GRID2: variants seen among roughly 807,000 people sequenced by gnomAD.
GRID2 encodes the protein glutamate receptor ionotropic, delta-2.
GRID2 carries 33 observed loss-of-function variants against 114.8 expected under a neutral mutation model. The ratio of observed to expected loss-of-function variants is 0.29; its 90% confidence interval spans 0.22 to 0.38. The LOEUF is 0.38. GRID2 is among the 10% of genes least tolerant of loss of function. GRID2 has a pLI of 1.00. For synonymous variants in GRID2, 505 were observed against 449.9 expected (o/e 1.12, Z -1.55); for missense variants, 1,184 against 1,257.7 (o/e 0.94, Z 0.89).
At chr4:93,213,720 G>A (rs146044215) in intron 5 of GRID2, among the ~76,000 whole-genome samples, 1 of 152,134 alleles carries the variant, frequency 6.6e-6, no homozygotes, top group African/African-American at 2.4e-5. Context: ...ATTCAGAAAT[G>A]ATTCAATTCT....
intron 8 of GRID2, among the ~76,000 whole-genome samples, chr4:93,393,918 C>G (rs1765089076): frequency 6.6e-6 from 1 of 151,922 alleles, no homozygotes; most frequent in African/African-American, 2.4e-5. Flanking sequence ...TTACCACGAA[C>G]AAGATTATAT....
Position 93,147,847 on chromosome 4 carries a change from A to T in GRID2, c.735+36894A>T, listed in dbSNP as rs1324424968. On this transcript the variant is annotated intron_variant, in intron 4 of 15. Transcript: ENST00000282020. ...AGGTATTTATATTTTGCCTTGAAAC[A>T]TCATTTTAAAATGTTTTACTTTTAA... Among the ~76,000 whole-genome samples, 5 of 152,340 alleles carry T rather than the reference A, an allele frequency of 3.3e-5. No homozygotes were observed. The East Asian group carries it at 9.6e-4, about 29-fold the overall frequency.
At chr4:92,564,292 G>C (rs1336569234) in intron 1 of GRID2, among the ~76,000 whole-genome samples, 1 of 151,914 alleles carries the variant, frequency 6.6e-6, no homozygotes, top group Non-Finnish European at 1.5e-5. Flanking sequence ...AAATTAATGT[G>C]ATTTAATTAA....
At chr4:92,785,804 A>C (rs1739294372) in intron 2 of GRID2, among the ~76,000 whole-genome samples, 1 of 151,866 alleles carries the variant, frequency 6.6e-6, no homozygotes, top group African/African-American at 2.4e-5. Context: ...TAGTTAACAA[A>C]GATTTTTGAA....
At chr4:93,277,047 G>A (rs1752129179) in intron 8 of GRID2, among the ~76,000 whole-genome samples, 1 of 151,664 alleles carries the variant, frequency 6.6e-6, no homozygotes, top group South Asian at 2.1e-4. Flanking sequence ...GTGGAAAAGG[G>A]GATACAGATG....
chr4:93,803,640 T>G (rs1005029563), intron 1 of GRID2, among the ~76,000 whole-genome samples: 3 of 152,006 alleles, frequency 2.0e-5, no homozygotes, highest in Admixed American at 2.0e-4. Flanking sequence ...AAGAATCGCT[T>G]GAACCCAGGA....
At chr4:92,902,040 C>G (rs1047431909) in intron 2 of GRID2, among the ~76,000 whole-genome samples, 1 of 152,010 alleles carries the variant, frequency 6.6e-6, no homozygotes, top group Non-Finnish European at 1.5e-5. Context: ...CAGATTTAAC[C>G]TCACTACTTA....
intron 2 of GRID2, among the ~76,000 whole-genome samples, chr4:92,861,670 C>T (rs1192283023): frequency 1.3e-5 from 2 of 151,906 alleles, no homozygotes; most frequent in African/African-American, 4.8e-5. Flanking sequence ...GACACCTAAC[C>T]CTTCCCTGGA....
At chr4:92,822,425 C>A in intron 2 of GRID2, 1 of 543,068 alleles carries the variant, frequency 1.8e-6, no homozygotes. Context: ...CTTGTCCCAG[C>A]TACAGAGGTG....
At chr4:92,647,114 A>G (rs1731683380) in intron 2 of GRID2, among the ~76,000 whole-genome samples, 1 of 152,198 alleles carries the variant, frequency 6.6e-6, no homozygotes, top group South Asian at 2.1e-4. Context: ...GGATTCAGAA[A>G]CATTTAATAA....
intron 14 of GRID2, among the ~76,000 whole-genome samples, chr4:93,627,289 C>T (rs1742817073): frequency 6.6e-6 from 1 of 152,160 alleles, no homozygotes; most frequent in Admixed American, 6.5e-5. Context: ...CCAGATAGTA[C>T]TAAGGCCCTA....
intron 4 of GRID2, among the ~76,000 whole-genome samples, chr4:93,171,913 C>A (rs955922325): frequency 1.3e-5 from 2 of 152,066 alleles, no homozygotes; most frequent in African/African-American, 4.8e-5. Context: ...TAAAGAGATT[C>A]AAAGTCATCA....
intron 1 of GRID2, among the ~76,000 whole-genome samples, chr4:92,579,256 A>G (rs747239680): frequency 6.6e-6 from 1 of 151,986 alleles, no homozygotes; most frequent in Non-Finnish European, 1.5e-5. Context: ...CTTTTAGATA[A>G]TTTTTCAATA....
At chr4:93,081,070 T>C (rs1462947215) in intron 2 of GRID2, among the ~76,000 whole-genome samples, 3 of 152,106 alleles carry the variant, frequency 2.0e-5, no homozygotes, top group Non-Finnish European at 4.4e-5. Context: ...CACCAACACA[T>C]TGGGGATCGA....
intron 9 of GRID2, among the ~76,000 whole-genome samples, chr4:93,396,890 T>A (rs1765383483): frequency 6.6e-6 from 1 of 152,024 alleles, no homozygotes; most frequent in South Asian, 2.1e-4. Flanking sequence ...ATGTGCTAGT[T>A]TATAGCCTGT....
In GRID2 at chr4:92,485,533, T is replaced by C. The variant is rs146142244; in HGVS notation, c.89-104598T>C. 4.6e-3 allele frequency among the ~76,000 whole-genome samples: 688 copies of C among 150,814 alleles called. 5 individuals carry two copies. Among genetic ancestry groups the C allele is most frequent in the African/African-American group, 0.015 (599 of 41,054 alleles). ...TGTAAAACCCCATTTCTACTAAAAA[T>C]ACAAAAATTAGCCAGGCATGGTGTC... On this transcript the variant is annotated intron_variant, in intron 1 of 15. Coordinates refer to ENST00000282020, the MANE Select transcript of GRID2 (RefSeq NM_001510.4).
intron 8 of GRID2, among the ~76,000 whole-genome samples, chr4:93,371,841 A>G (rs1210935381): frequency 1.4e-5 from 2 of 147,472 alleles, no homozygotes; most frequent in Middle Eastern, 6.8e-3. Context: ...TCCGCCTCCA[A>G]GGTTCAAGTG....
At chr4:92,783,725 A>C (rs1355662947) in intron 2 of GRID2, among the ~76,000 whole-genome samples, 3 of 151,996 alleles carry the variant, frequency 2.0e-5, no homozygotes, top group Non-Finnish European at 4.4e-5. Flanking sequence ...TTTACAAAAA[A>C]CAAACAAAAA....
chr4:92,860,412 G>A lies in GRID2; in HGVS notation c.245-224583G>A, dbSNP rs933781040. 2.0e-5 allele frequency among the ~76,000 whole-genome samples: 3 copies of A among 152,108 alleles called. No homozygotes were observed. In the South Asian group the frequency reaches 6.2e-4, roughly 31 times the overall value. ...CTTTGTACTCAGAGCTTGGATTGTA[G>A]TTGTTAGACTATGATTTGTGAAAGT... On this transcript the variant is annotated intron_variant, in intron 2 of 15. Transcript: ENST00000282020.
Sources: gnomAD v4.1 joint callset for allele counts (sites outside exome capture counted in the v4.1 genomes callset) on GRCh38, gnomAD v4.1.1 for gene constraint, MANE v1.5 for transcripts, NCBI Gene and HGNC (gene_info 2026-07-23, HGNC 2026-07-21) for gene names.